Variants in ODAD2 observed in about 807,000 individuals in gnomAD.
ODAD2 encodes the protein outer dynein arm docking complex subunit 2.
A neutral mutation model predicts 106.8 loss-of-function variants in ODAD2; 89 were observed. The observed-to-expected ratio is 0.83, with a 90% CI of 0.70 to 0.99. The LOEUF is 0.99. ODAD2 is among the 50% of genes least tolerant of loss of function. The pLI is 0.00. For missense variants in ODAD2, 1,168 were observed against 1,238.5 expected (o/e 0.94, Z 0.85); for synonymous variants, 404 against 436.2 (o/e 0.93, Z 0.92).
At chr10:27,932,237 C>T (rs538986745) in intron 16 of ODAD2, among the ~76,000 whole-genome samples, 8 of 152,202 alleles carry the variant, frequency 5.3e-5, no homozygotes, top group South Asian at 2.1e-4. Context: ...CGTCATTAGC[C>T]TATAGTTGGG....
intron 10 of ODAD2, among the ~76,000 whole-genome samples, chr10:27,954,215 C>T (rs1294600559): frequency 6.6e-6 from 1 of 152,134 alleles, no homozygotes; most frequent in Non-Finnish European, 1.5e-5. Flanking sequence ...CAGCCTAGCA[C>T]ATTATCGAAA....
intron 17 of ODAD2, among the ~76,000 whole-genome samples, chr10:27,868,439 T>C (rs1462226895): frequency 2.0e-5 from 3 of 152,160 alleles, no homozygotes; most frequent in East Asian, 1.9e-4. Context: ...CAAATGCCCA[T>C]CAATGATACA....
chr10:27,930,936 C>T (rs1305737945), intron 16 of ODAD2, among the ~76,000 whole-genome samples: 1 of 152,144 alleles, frequency 6.6e-6, no homozygotes, highest in Non-Finnish European at 1.5e-5. Context: ...CTCTAATACC[C>T]TTTTCACTCC....
intron 16 of ODAD2, among the ~76,000 whole-genome samples, chr10:27,924,001 A>AGAAC (rs1845005607): frequency 7.2e-6 from 1 of 139,748 alleles, no homozygotes; most frequent in Non-Finnish European, 1.5e-5. Context: ...AAAGAAAGAA[A>AGAAC]GAAAGAAAGA....
intron 19 of ODAD2, among the ~76,000 whole-genome samples, chr10:27,860,107 T>C (rs1839934461): frequency 6.6e-6 from 1 of 152,230 alleles, no homozygotes; most frequent in African/African-American, 2.4e-5. Context: ...ATTTCTATGC[T>C]TTAATTTAGA....
chr10:27,919,311 C>T (rs1844611294), intron 16 of ODAD2, among the ~76,000 whole-genome samples: 1 of 151,978 alleles, frequency 6.6e-6, no homozygotes, highest in African/African-American at 2.4e-5. Context: ...AGTACAGAAT[C>T]CCATGAACCT....
At chr10:27,898,009 C>A (rs80206258) in intron 17 of ODAD2, among the ~76,000 whole-genome samples, 26,143 of 151,776 alleles carry the variant, frequency 0.17, 2,403 homozygotes, top group African/African-American at 0.22. Flanking sequence ...ACTGAAAAAT[C>A]TTTTAAGCCC....
intron 16 of ODAD2, among the ~76,000 whole-genome samples, chr10:27,921,836 AT>A (rs1393127977): frequency 7.1e-6 from 1 of 140,376 alleles, no homozygotes; most frequent in Admixed American, 7.0e-5. Flanking sequence ...GCAGTATTTT[AT>A]TTTTTTTTTT....
chr10:27,990,382 C>T (rs1026247078), intron 2 of ODAD2, among the ~76,000 whole-genome samples: 3 of 152,156 alleles, frequency 2.0e-5, no homozygotes, highest in African/African-American at 7.2e-5. Flanking sequence ...TGCTATGTTG[C>T]CCATGCTGGC....
intron 14 of ODAD2, among the ~76,000 whole-genome samples, chr10:27,938,397 G>A (rs890662014): frequency 6.6e-6 from 1 of 152,024 alleles, no homozygotes; most frequent in African/African-American, 2.4e-5. Flanking sequence ...GAGGACACAG[G>A]GAAAAGGCAG....
At chr10:27,964,615 T>G (rs1385519269) in intron 9 of ODAD2, among the ~76,000 whole-genome samples, 1 of 152,196 alleles carries the variant, frequency 6.6e-6, no homozygotes, top group African/African-American at 2.4e-5. Context: ...TCTGTTTTCA[T>G]TTTAGGGACC....
chr10:27,974,130 T>C (rs758298756), intron 7 of ODAD2, among the ~76,000 whole-genome samples: 22 of 152,242 alleles, frequency 1.4e-4, no homozygotes, highest in Non-Finnish European at 2.8e-4. Context: ...AGTGGGGTTG[T>C]TTGTTTTTCT....
At chr10:27,837,327 G>A (rs1837972391) in intron 19 of ODAD2, among the ~76,000 whole-genome samples, 1 of 152,176 alleles carries the variant, frequency 6.6e-6, no homozygotes, top group East Asian at 1.9e-4. Flanking sequence ...TCCCAAGGAG[G>A]TTTTTGTTTT....
chr10:27,885,669 TAA>T (rs1387874594), intron 17 of ODAD2, among the ~76,000 whole-genome samples: 10 of 34,536 alleles, frequency 2.9e-4, no homozygotes, highest in East Asian at 9.4e-4. Context: ...ATATTATATA[TAA>T]AATATATATA....
chr10:27,827,267 C>T (rs1158887955), intron 19 of ODAD2, among the ~76,000 whole-genome samples: 2 of 151,700 alleles, frequency 1.3e-5, no homozygotes, highest in African/African-American at 4.8e-5. Context: ...TTTGTCTATA[C>T]ACCCTCCAAA....
At chr10:27,979,372 G>A (rs982039471) in intron 7 of ODAD2, among the ~76,000 whole-genome samples, 5 of 150,820 alleles carry the variant, frequency 3.3e-5, no homozygotes, top group African/African-American at 9.8e-5. Context: ...TGGAAAGGAA[G>A]AAGTAAAACT....
chr10:27,888,695 T>A (rs941068148), intron 17 of ODAD2, among the ~76,000 whole-genome samples: 1 of 152,170 alleles, frequency 6.6e-6, no homozygotes, highest in African/African-American at 2.4e-5. Flanking sequence ...TATTTTTGAG[T>A]TTGTGCCCAC....
At chr10:27,839,253 A>G (rs2133090753) in intron 19 of ODAD2, among the ~76,000 whole-genome samples, 1 of 152,334 alleles carries the variant, frequency 6.6e-6, no homozygotes, top group Non-Finnish European at 1.5e-5. Context: ...ACTTCTGAAG[A>G]TATATAAGTA....
intron 16 of ODAD2, among the ~76,000 whole-genome samples, chr10:27,909,819 A>G (rs1843871291): frequency 8.2e-6 from 1 of 122,182 alleles, no homozygotes; most frequent in African/African-American, 3.1e-5. Context: ...CTTCATTTGA[A>G]AAAAAAAAAA....
Sources: gnomAD v4.1 joint callset for allele counts (sites outside exome capture counted in the v4.1 genomes callset) on GRCh38, gnomAD v4.1.1 for gene constraint, MANE v1.5 for transcripts, NCBI Gene and HGNC (gene_info 2026-07-23, HGNC 2026-07-21) for gene names.